The following PAK3 variants were observed in gnomAD, a reference collection of about 807,000 sequenced individuals.
PAK3 encodes the protein p21 (RAC1) activated kinase 3.
PAK3 carries 4 observed loss-of-function variants against 41.0 expected under a neutral mutation model. The ratio of observed to expected loss-of-function variants is 0.10; its 90% CI spans 0.05 to 0.22. The LOEUF is 0.22. Among genes scored for constraint, PAK3 ranks in the 10% least tolerant of loss-of-function variants. The pLI is 1.00. For missense variants in PAK3, 205 were observed against 409.9 expected (o/e 0.50, Z 4.32); for synonymous variants, 146 against 139.6 (o/e 1.05, Z -0.32).
At chrX:111,219,732 A>G (rs1051468825) in intron 17 of PAK3, among the ~76,000 whole-genome samples, 1 of 111,179 alleles carries the variant, frequency 9.0e-6, no homozygotes, top group African/African-American at 3.3e-5. Flanking sequence ...AAATTAAATT[A>G]AAAAAAGAAG....
intron 5 of PAK3, among the ~76,000 whole-genome samples, chrX:111,123,937 C>G (rs1025352523): frequency 9.0e-6 from 1 of 111,542 alleles, no homozygotes; most frequent in Admixed American, 9.5e-5. Context: ...TATGAAATCT[C>G]TAGTAAGTAA....
chrX:111,133,210 T>A (rs1194237187), intron 5 of PAK3, among the ~76,000 whole-genome samples: 1 of 111,831 alleles, frequency 8.9e-6, no homozygotes, highest in East Asian at 2.8e-4. Context: ...ACACCCTACT[T>A]ATTTATTGTG....
chrX:111,157,739 A>G (rs1205791886), intron 8 of PAK3, among the ~76,000 whole-genome samples: 1 of 108,718 alleles, frequency 9.2e-6, no homozygotes, highest in Non-Finnish European at 1.9e-5. Flanking sequence ...GTGAACAGAG[A>G]TCGTGCCATT....
At chrX:111,106,154 C>A (rs2093258588) in intron 4 of PAK3, among the ~76,000 whole-genome samples, 1 of 110,765 alleles carries the variant, frequency 9.0e-6, no homozygotes, top group Admixed American at 9.6e-5. Context: ...CTGGCCCAAT[C>A]ACACTTACCA....
intron 1 of PAK3, among the ~76,000 whole-genome samples, chrX:111,080,197 A>G (rs2092822580): frequency 8.9e-6 from 1 of 112,114 alleles, no homozygotes; most frequent in Non-Finnish European, 1.9e-5. Context: ...AAATGTTATC[A>G]AACAGCATCT....
At chrX:111,019,690 C>CAAAAAAAAAAA (rs147611129) in intron 1 of PAK3, among the ~76,000 whole-genome samples, 1 of 53,431 alleles carries the variant, frequency 1.9e-5, no homozygotes. Context: ...ACCCTGCCTC[C>CAAAAAAAAAAA]AAAAAAAAAA....
intron 1 of PAK3, among the ~76,000 whole-genome samples, chrX:111,046,993 G>A (rs1403338801): frequency 9.0e-6 from 1 of 111,582 alleles, no homozygotes; most frequent in Non-Finnish European, 1.9e-5. Context: ...TAAGGAGGTG[G>A]GAGCTCAGTA....
At chrX:111,110,604 C>T (rs2093353271) in intron 4 of PAK3, among the ~76,000 whole-genome samples, 1 of 111,293 alleles carries the variant, frequency 9.0e-6, no homozygotes, top group Non-Finnish European at 1.9e-5. Context: ...CCTTTCCAAA[C>T]ATAGCTGAGT....
chrX:111,132,743 A>G (rs1480925451), intron 5 of PAK3, among the ~76,000 whole-genome samples: 1 of 111,772 alleles, frequency 8.9e-6, no homozygotes, highest in Non-Finnish European at 1.9e-5. Flanking sequence ...AATCTGGAGC[A>G]TGTTTTTAAC....
At chrX:111,061,843 C>T (rs2148809911) in intron 1 of PAK3, among the ~76,000 whole-genome samples, 1 of 110,312 alleles carries the variant, frequency 9.1e-6, no homozygotes, top group South Asian at 3.9e-4. Flanking sequence ...GAGACAGGGT[C>T]TTGCTTTGTT....
Position 110,972,109 on chromosome X carries a change from AATCT to A in PAK3, c.-28+27494_-28+27497del, listed in dbSNP as rs747029425. On this transcript the variant is annotated intron_variant, in intron 1 of 14. Coordinates refer to the PAK3 transcript ENST00000425146. ...ACACACATATATATACATATCTATC[AATCT>A]ATCTATCTATCTCTCTCTCTATATA... is the stretch of plus-strand genomic sequence containing the variant. Among the ~76,000 whole-genome samples, 198 of 111,021 alleles carry A rather than the reference AATCT, an allele frequency of 1.8e-3. 1 individual carries two copies. Among genetic ancestry groups the A allele is most frequent in the African/African-American group, 5.5e-3 (167 of 30,535 alleles).
At chrX:111,181,645 A>G (rs1489833388) in intron 11 of PAK3, among the ~76,000 whole-genome samples, 1 of 111,706 alleles carries the variant, frequency 9.0e-6, no homozygotes, top group East Asian at 2.8e-4. Flanking sequence ...CTTATTTCTT[A>G]AAAGACTTGT....
intron 16 of PAK3, among the ~76,000 whole-genome samples, chrX:111,211,297 T>C (rs1185423083): frequency 9.0e-6 from 1 of 111,027 alleles, no homozygotes; most frequent in Non-Finnish European, 1.9e-5. Flanking sequence ...TGTGAATCAG[T>C]AGTTTTCAAA....
At chrX:111,066,195 T>C in intron 1 of PAK3, among the ~76,000 whole-genome samples, 1 of 112,209 alleles carries the variant, frequency 8.9e-6, no homozygotes, top group Middle Eastern at 4.6e-3. Context: ...GTTAGCACTA[T>C]CAACTTTCCT....
intron 5 of PAK3, among the ~76,000 whole-genome samples, chrX:111,130,245 AC>A: frequency 8.9e-6 from 1 of 111,778 alleles, no homozygotes; most frequent in Middle Eastern, 4.6e-3. Flanking sequence ...TGAAGGGCTC[AC>A]ATGTGACTAT....
rs1402919194 is a variant in PAK3 at position 111,018,558 on chromosome X, A to G, written c.-28+73930A>G. ...AAGGAGACAAATAAATGTGTACTGA[A>G]AAGTATAAAACATTGCTGAAAGAGA... is the stretch of plus-strand genomic sequence containing the variant. On this transcript the variant is annotated intron_variant, in intron 1 of 14. Coordinates refer to the PAK3 transcript ENST00000425146. Among the ~76,000 whole-genome samples the G allele has an allele frequency of 2.7e-5, 3 of 112,155 alleles. No homozygotes were observed. In the East Asian group the frequency reaches 8.4e-4, roughly 31 times the overall value.
chrX:111,194,763 A>G (rs936329943), intron 14 of PAK3, among the ~76,000 whole-genome samples: 2 of 112,121 alleles, frequency 1.8e-5, no homozygotes, highest in Non-Finnish European at 3.8e-5. Context: ...TTTACATGAT[A>G]CTTATTTTAT....
chrX:111,149,556 C>G (rs2093997600), intron 7 of PAK3, among the ~76,000 whole-genome samples: 1 of 112,255 alleles, frequency 8.9e-6, no homozygotes, highest in African/African-American at 3.2e-5. Context: ...TCCCAAACCT[C>G]AATTCTTGAC....
chrX:111,127,154 AT>A (rs1186761278), intron 5 of PAK3, among the ~76,000 whole-genome samples: 2 of 111,727 alleles, frequency 1.8e-5, no homozygotes, highest in Admixed American at 9.5e-5. Flanking sequence ...TATCATGAAT[AT>A]TTTCCTACAT....
Sources: allele counts gnomAD v4.1 joint callset (sites outside exome capture counted in the v4.1 genomes callset), GRCh38; gene constraint gnomAD v4.1.1; transcripts MANE v1.5; gene names NCBI Gene and HGNC (gene_info 2026-07-23, HGNC 2026-07-21).